The following LRSAM1 variants were observed in gnomAD, a reference collection of about 807,000 sequenced individuals.
LRSAM1 encodes leucine rich repeat and sterile alpha motif containing 1, also known as E3 ubiquitin-protein ligase LRSAM1.
LRSAM1 carries 96 observed loss-of-function variants against 118.1 expected under a neutral mutation model. That is an observed-to-expected ratio of 0.81 (90% CI 0.69 to 0.96). LRSAM1 has a LOEUF of 0.96. Among genes scored for constraint, LRSAM1 ranks in the 40% least tolerant of loss-of-function variants. LRSAM1 has a pLI of 0.00. For synonymous variants in LRSAM1, 322 were observed against 364.2 expected, an observed-to-expected ratio of 0.88 and a Z score of 1.32; for missense variants, 804 against 915.5, an observed-to-expected ratio of 0.88 and a Z score of 1.57.
At chr9:127,495,911 A>G in intron 22 of LRSAM1, 53 bp from the exon 23 acceptor site, 3 of 1,604,856 alleles carry the variant, frequency 1.9e-6, no homozygotes, top group Non-Finnish European at 1.7e-6. Context: ...CCTGTTGTAA[A>G]CAGTGGGTTC....
chr9:127,457,909 T>C (rs1420297314), intron 6 of LRSAM1, among the ~76,000 whole-genome samples: 2 of 151,714 alleles, frequency 1.3e-5, no homozygotes, highest in African/African-American at 2.4e-5. Flanking sequence ...TATACTATAT[T>C]GTTTAGGGAA....
rs946372444 is a variant in LRSAM1, at chr9:127,462,326, G to A, written c.481G>A (p.Glu161Lys). Reference sequence around the variant, plus strand: ...GCGTACCCTCAACATCAGTGGAAACGAGATCCAGAGATTGCCGCAGATGCT... The same window carrying A: ...GCGTACCCTCAACATCAGTGGAAACAAGATCCAGAGATTGCCGCAGATGCT... ...SLRTLNISGN[E>K]IQRLPQMLAH... The change falls in exon 9 of 26, where the codon GAG becomes AAG. Residue 161 changes from glutamate to lysine, a missense_variant. Coordinates refer to ENST00000300417, the MANE Select transcript of LRSAM1 (RefSeq NM_001005373.4). 1.5e-5 allele frequency: 25 copies of A among 1,613,986 alleles called. No homozygotes were observed. The highest frequency in any genetic ancestry group is 2.0e-5 in the Non-Finnish European group (24 of 1,180,016).
At chr9:127,475,532 T>C (rs1835321722) in intron 11 of LRSAM1, among the ~76,000 whole-genome samples, 2 of 152,018 alleles carry the variant, frequency 1.3e-5, no homozygotes, top group Admixed American at 1.3e-4. Flanking sequence ...AATGCCAACT[T>C]TGCTGGTAAT....
intron 5 of LRSAM1, 43 bp downstream of exon 5, chr9:127,455,663 CT>C: frequency 6.2e-7 from 1 of 1,600,160 alleles, no homozygotes; most frequent in East Asian, 2.2e-5. Context: ...TGTTGCATGT[CT>C]GCTTGTTTGA....
intron 16 of LRSAM1, 31 bp downstream of exon 16, chr9:127,483,051 C>T (rs370051450): frequency 2.8e-5 from 45 of 1,602,352 alleles, no homozygotes; most frequent in Non-Finnish European, 3.4e-5. Context: ...CTTGTGAGCA[C>T]GCTGCCTGCT....
chr9:127,497,871 C>T (rs1836215211), intron 24 of LRSAM1, among the ~76,000 whole-genome samples: 2 of 152,236 alleles, frequency 1.3e-5, no homozygotes, highest in African/African-American at 4.8e-5. Context: ...GCATGAACCA[C>T]GTTGAGGAAC....
chr9:127,461,365 A>G (rs1337961396), intron 8 of LRSAM1, 108 bp downstream of exon 8: 29 of 918,904 alleles, frequency 3.2e-5, no homozygotes, highest in East Asian at 2.5e-4. Context: ...GAGGGCAGCC[A>G]GTCTCCGGGG....
chr9:127,481,124 G>A (rs1227986281), intron 14 of LRSAM1, 59 bp from the exon 15 acceptor site: 1 of 1,596,462 alleles, frequency 6.3e-7, no homozygotes, highest in African/African-American at 1.3e-5. Context: ...AGCTAACGCA[G>A]TGAGACAGGA....
At chr9:127,468,636 C>T (rs1044037030) in intron 10 of LRSAM1, among the ~76,000 whole-genome samples, 8 of 152,052 alleles carry the variant, frequency 5.3e-5, no homozygotes, top group African/African-American at 1.4e-4. Context: ...TAACCTCTTC[C>T]TTAAACAGGA....
At position 127,501,151 on chromosome 9, in the gene LRSAM1, C is replaced by T. The variant is rs371613517; in HGVS notation, c.2046+8C>T. ...GTGTGCCTGGAACGGGAGGTAAGTCCGGGGCCCTCCCCACCCGCCTGCCCT... is the reference window on the plus strand; with the variant it reads ...GTGTGCCTGGAACGGGAGGTAAGTCTGGGGCCCTCCCCACCCGCCTGCCCT... On this transcript the variant is annotated splice_region_variant and intron_variant, in intron 25 of 25. Transcript: ENST00000300417. 4 of 1,611,366 alleles carry T rather than the reference C, an allele frequency of 2.5e-6. No homozygotes were observed. Among genetic ancestry groups the T allele is most frequent in the Admixed American group, 1.7e-5 (1 of 59,868 alleles).
chr9:127,463,503 G>T (rs992655403), intron 9 of LRSAM1, among the ~76,000 whole-genome samples: 1 of 152,150 alleles, frequency 6.6e-6, no homozygotes, highest in African/African-American at 2.4e-5. Context: ...GCTTGTAGGT[G>T]CTGTCTTCCC....
At chr9:127,454,444 G>A (rs1834440677) in intron 2 of LRSAM1, 52 bp from the exon 3 acceptor site, 2 of 1,409,344 alleles carry the variant, frequency 1.4e-6, no homozygotes, top group Non-Finnish European at 2.0e-6. Context: ...TGTCCCGGGT[G>A]TTGGGGGCTG....
At chr9:127,470,167 G>A (rs909472122) in intron 10 of LRSAM1, among the ~76,000 whole-genome samples, 1 of 151,938 alleles carries the variant, frequency 6.6e-6, no homozygotes, top group African/African-American at 2.4e-5. Context: ...GCCTGTATTA[G>A]TCTGTTCTCA....
At chr9:127,467,379 A>G (rs1834994872) in intron 9 of LRSAM1, among the ~76,000 whole-genome samples, 1 of 152,188 alleles carries the variant, frequency 6.6e-6, no homozygotes, top group South Asian at 2.1e-4. Context: ...GCTCACCTCA[A>G]TATCTTATCA....
chr9:127,455,385 G>A (rs1282803909), intron 4 of LRSAM1, among the ~76,000 whole-genome samples, 191 bp from the exon 5 acceptor site: 4 of 152,334 alleles, frequency 2.6e-5, no homozygotes, highest in East Asian at 3.9e-4. Flanking sequence ...CCAGCTGACC[G>A]AGGGAAGGGC....
At chr9:127,460,037 A>G (rs1048931603) in intron 7 of LRSAM1, among the ~76,000 whole-genome samples, 4 of 150,718 alleles carry the variant, frequency 2.7e-5, no homozygotes, top group Non-Finnish European at 4.4e-5. Flanking sequence ...GTCTCGCTCT[A>G]TCACCAGGCT....
chr9:127,490,052 A>G (rs1835877360), intron 19 of LRSAM1, among the ~76,000 whole-genome samples: 2 of 151,392 alleles, frequency 1.3e-5, no homozygotes, highest in South Asian at 4.2e-4. Context: ...ATGTGACAAG[A>G]TACCCCCCAC....
intron 2 of LRSAM1, 97 bp from the exon 3 acceptor site, chr9:127,454,399 C>A: frequency 1.1e-6 from 1 of 908,562 alleles, no homozygotes; most frequent in Non-Finnish European, 1.8e-6. Flanking sequence ...CATGGTCCAG[C>A]AGACCAGCTG....
chr9:127,502,855 C>T lies in LRSAM1; in HGVS notation c.2128C>T (p.Arg710Cys), dbSNP rs746213887. ...CQPLRTCPLCRQDIAQRLRIY... is the reference protein window; with the variant it reads ...CQPLRTCPLCCQDIAQRLRIY... ...GCCACTGCGCACCTGCCCGCTGTGC[C>T]GCCAGGACATCGCCCAGCGCCTCCG... The change falls in exon 26 of 26, where the codon CGC (arginine) becomes TGC (cysteine). Residue 710 changes from arginine to cysteine, a missense_variant. By Grantham distance (180) the Arg-to-Cys change is radical. Coordinates refer to ENST00000300417, the MANE Select transcript of LRSAM1 (RefSeq NM_001005373.4). 8.7e-6 allele frequency: 14 copies of T among 1,611,232 alleles called. No individual in the cohort carries two copies. Among genetic ancestry groups the T allele is most frequent in the African/African-American group, 2.7e-5 (2 of 74,878 alleles).
Sources: allele counts gnomAD v4.1 joint callset (sites outside exome capture counted in the v4.1 genomes callset), GRCh38; gene constraint gnomAD v4.1.1; transcripts MANE v1.5; gene names NCBI Gene and HGNC (gene_info 2026-07-23, HGNC 2026-07-21).